DRC8: variants seen among roughly 807,000 people sequenced by gnomAD.
The protein encoded by DRC8 is dynein regulatory complex subunit 8.
chr1:245,118,170 T>G, the DRC8 span, among the ~76,000 whole-genome samples: 1 of 152,050 alleles, frequency 6.6e-6, no homozygotes, highest in African/African-American at 2.4e-5. Context: ...TCAAAAATAT[T>G]TAAGATCTGC....
chr1:245,081,680 G>A, the DRC8 span, among the ~76,000 whole-genome samples: 10 of 151,894 alleles, frequency 6.6e-5, no homozygotes, highest in South Asian at 2.1e-3. Flanking sequence ...TGTTGGCCAA[G>A]CTGATCTTGA....
At chr1:245,037,763 T>C in the DRC8 span, among the ~76,000 whole-genome samples, 1 of 152,048 alleles carries the variant, frequency 6.6e-6, no homozygotes, top group Non-Finnish European at 1.5e-5. Flanking sequence ...ATGGAAAAAC[T>C]ACAAAGAAAA....
the DRC8 span, among the ~76,000 whole-genome samples, chr1:244,992,838 A>G: frequency 6.6e-6 from 1 of 152,256 alleles, no homozygotes; most frequent in Non-Finnish European, 1.5e-5. Flanking sequence ...TCCCAAATCT[A>G]GCAGCTAAAA....
chr1:244,996,852 C>T, the DRC8 span, among the ~76,000 whole-genome samples: 1 of 152,268 alleles, frequency 6.6e-6, no homozygotes, highest in Middle Eastern at 3.4e-3. Context: ...TTCCCTTCTC[C>T]ATGCAGTCAC....
the DRC8 span, among the ~76,000 whole-genome samples, chr1:244,975,763 G>A: frequency 6.6e-6 from 1 of 152,118 alleles, no homozygotes; most frequent in Non-Finnish European, 1.5e-5. Flanking sequence ...AGGAGGCTGA[G>A]GCAGGAGAAT....
chr1:245,034,216 A>G, the DRC8 span, among the ~76,000 whole-genome samples: 779 of 152,338 alleles, frequency 5.1e-3, 4 homozygotes, highest in African/African-American at 0.017. Flanking sequence ...GTCTATATAA[A>G]AAAAGCCCTT....
the DRC8 span, among the ~76,000 whole-genome samples, chr1:245,021,254 A>G: frequency 3.9e-5 from 6 of 152,142 alleles, no homozygotes; most frequent in Non-Finnish European, 5.9e-5. Context: ...TCACACAAAC[A>G]TAGACGCTTT....
the DRC8 span, chr1:244,970,362 G>T: frequency 6.5e-7 from 1 of 1,531,006 alleles, no homozygotes; most frequent in Non-Finnish European, 8.7e-7. Context: ...AGCAGGCCGG[G>T]ACACCGCGGC....
the DRC8 span, chr1:245,059,332 C>A: frequency 1.1e-5 from 14 of 1,280,032 alleles, no homozygotes; most frequent in Admixed American, 5.3e-5. Flanking sequence ...TTGGAGAAAC[C>A]TGGCCTTTTC....
At chr1:245,119,646 A>ATAAATAAT in the DRC8 span, among the ~76,000 whole-genome samples, 1 of 151,028 alleles carries the variant, frequency 6.6e-6, no homozygotes, top group African/African-American at 2.4e-5. Context: ...CTAAAAAAAA[A>ATAAATAAT]AAGGAGGCTG....
At chr1:244,982,004 T>A in the DRC8 span, among the ~76,000 whole-genome samples, 1 of 152,166 alleles carries the variant, frequency 6.6e-6, no homozygotes, top group Non-Finnish European at 1.5e-5. Flanking sequence ...AGAATTCTCC[T>A]CACCCATCCC....
chr1:245,066,990 C>T, the DRC8 span, among the ~76,000 whole-genome samples: 4 of 152,038 alleles, frequency 2.6e-5, no homozygotes, highest in Non-Finnish European at 2.9e-5. Context: ...TGGAAAAATC[C>T]GATATTATAA....
chr1:245,045,675 G>A, the DRC8 span, among the ~76,000 whole-genome samples: 5,199 of 152,158 alleles, frequency 0.034, 316 homozygotes, highest in African/African-American at 0.12. Context: ...GTTGGTTTTC[G>A]CAGCCAATCA....
chr1:245,036,981 G>A, the DRC8 span, among the ~76,000 whole-genome samples: 1 of 152,128 alleles, frequency 6.6e-6, no homozygotes, highest in African/African-American at 2.4e-5. Flanking sequence ...TGATGAAAAA[G>A]CAAAACAAAC....
the DRC8 span, chr1:245,083,871 G>A: frequency 2.6e-6 from 2 of 765,274 alleles, no homozygotes; most frequent in Middle Eastern, 8.0e-4. Flanking sequence ...ACAAAGAGTA[G>A]GGAAAGGGGA....
the DRC8 span, among the ~76,000 whole-genome samples, chr1:245,076,182 C>T: frequency 6.6e-6 from 1 of 152,182 alleles, no homozygotes; most frequent in Non-Finnish European, 1.5e-5. Context: ...GCGATTGAGT[C>T]TTTTAGGAAA....
At chr1:245,062,991 C>G in the DRC8 span, among the ~76,000 whole-genome samples, 1 of 152,116 alleles carries the variant, frequency 6.6e-6, no homozygotes, top group Non-Finnish European at 1.5e-5. Flanking sequence ...TCTAGTCAAC[C>G]CTGGCTTGCA....
chr1:245,037,445 C>T, the DRC8 span, among the ~76,000 whole-genome samples: 4 of 152,076 alleles, frequency 2.6e-5, no homozygotes, highest in African/African-American at 4.8e-5. Flanking sequence ...TTTGAAGACT[C>T]GATAAAGTAG....
the DRC8 span, chr1:245,122,636 T>A: frequency 6.6e-6 from 1 of 152,232 alleles, no homozygotes; most frequent in Admixed American, 6.6e-5. Context: ...TGTTTTTTTT[T>A]ATTTTTTGTA....
Sources: allele counts gnomAD v4.1 joint callset (sites outside exome capture counted in the v4.1 genomes callset), GRCh38; gene constraint gnomAD v4.1.1; transcripts MANE v1.5; gene names NCBI Gene and HGNC (gene_info 2026-07-23, HGNC 2026-07-21).